Variants in KIAA0319L observed in about 807,000 individuals in gnomAD.
The protein encoded by KIAA0319L is KIAA0319 like.
In KIAA0319L, 55 loss-of-function variants were observed where a neutral mutation model predicts 120.1. The observed-to-expected ratio is 0.46, with a 90% CI of 0.37 to 0.57. The LOEUF is 0.57. KIAA0319L is among the 20% of genes least tolerant of loss of function. The probability of loss-of-function intolerance (pLI) is 0.00; values close to 1 mark genes in which losing one functional copy is unlikely to be tolerated. For synonymous variants in KIAA0319L, 398 were observed against 471.9 expected, an observed-to-expected ratio of 0.84 and a Z score of 2.03; for missense variants, 1,049 against 1,255.3, an observed-to-expected ratio of 0.84 and a Z score of 2.48.
chr1:35,459,229 A>T (rs1642712259), intron 9 of KIAA0319L, among the ~76,000 whole-genome samples: 1 of 152,158 alleles, frequency 6.6e-6, no homozygotes, highest in African/African-American at 2.4e-5. Context: ...ACAGATTGAG[A>T]AGGGAATTAA....
At chr1:35,529,594 C>G (rs1646283505) in intron 2 of KIAA0319L, among the ~76,000 whole-genome samples, 1 of 152,172 alleles carries the variant, frequency 6.6e-6, no homozygotes. Flanking sequence ...CCTTAACTGG[C>G]AGGTTTGTTT....
chr1:35,555,683 C>T (rs752808365), intron 1 of KIAA0319L, among the ~76,000 whole-genome samples: 1 of 152,200 alleles, frequency 6.6e-6, no homozygotes, highest in Non-Finnish European at 1.5e-5. Flanking sequence ...TTTCTCTAGC[C>T]TCCCAAGAGG....
At position 35,453,948 on chromosome 1, in the gene KIAA0319L, A is replaced by G. The variant is rs545520614; in HGVS notation, c.1781-259T>C. 7.4e-4 allele frequency among the ~76,000 whole-genome samples: 112 copies of G among 152,328 alleles called. 2 individuals are homozygous for G. The highest frequency in any genetic ancestry group is 1.3e-4 in the Non-Finnish European group (9 of 68,028). On this transcript the variant is annotated intron_variant, in intron 11 of 20. Coordinates refer to ENST00000325722, the MANE Select transcript of KIAA0319L (RefSeq NM_024874.5). The surrounding 1 kb of genome is among the most constrained non-coding windows in gnomAD (Gnocchi z 4.1). ...TAAACTTGAACTCTAATGCTAAGGG[A>G]GTTCAAATGAAAGGATTTGAGTGAC...
chr1:35,464,957 G>A (rs985953272), intron 7 of KIAA0319L, among the ~76,000 whole-genome samples: 3 of 152,180 alleles, frequency 2.0e-5, no homozygotes, highest in African/African-American at 7.2e-5. Context: ...CAAAAATTGA[G>A]GTTTGGGAAC....
chr1:35,532,789 T>C (rs1339293290), intron 2 of KIAA0319L, among the ~76,000 whole-genome samples: 1 of 152,246 alleles, frequency 6.6e-6, no homozygotes, highest in Non-Finnish European at 1.5e-5. Flanking sequence ...TGAAAATCTT[T>C]TGGGAAAGTC....
chr1:35,466,731 A>G (rs1460683276), intron 6 of KIAA0319L, 36 bp from the exon 7 acceptor site: 3 of 1,340,160 alleles, frequency 2.2e-6, no homozygotes, highest in Non-Finnish European at 3.2e-6. Context: ...AGACAATCAC[A>G]AAGAGCAGGA....
rs138556586 is a variant in KIAA0319L at position 35,525,654 on chromosome 1, T to C, written c.143-18519A>G. ...TTAATCATTTTTATGTCTGGATATG[T>C]AGATCCTTTGCCCACTTTTTAATGG... On this transcript the variant is annotated intron_variant, in intron 2 of 20. Coordinates refer to ENST00000325722, the MANE Select transcript of KIAA0319L (RefSeq NM_024874.5). Among the ~76,000 whole-genome samples, 976 of 152,186 alleles carry C rather than the reference T, an allele frequency of 6.4e-3. 16 individuals are homozygous for C. Among genetic ancestry groups the C allele is most frequent in the African/African-American group, 0.018 (768 of 41,554 alleles).
chr1:35,451,119 C>A (rs958931387), intron 13 of KIAA0319L, among the ~76,000 whole-genome samples: 3 of 152,054 alleles, frequency 2.0e-5, no homozygotes, highest in African/African-American at 7.3e-5. Flanking sequence ...TTAAGGCCCT[C>A]TCCCACAGCT....
At chr1:35,499,458 C>A (rs1442750484) in intron 3 of KIAA0319L, among the ~76,000 whole-genome samples, 1 of 152,102 alleles carries the variant, frequency 6.6e-6, no homozygotes, top group Non-Finnish European at 1.5e-5. Flanking sequence ...TCACTAGACA[C>A]CAAATCAGCC....
rs1359794060 is a variant in KIAA0319L, at chr1:35,478,977, G to A, written c.902C>T (p.Ala301Val). 6.2e-7 allele frequency: 1 copy of A among 1,613,966 alleles called. No homozygotes were observed. The highest frequency in any genetic ancestry group is 8.5e-7 in the Non-Finnish European group (1 of 1,179,984). The change falls in exon 4 of 21, where the codon GCA (alanine) becomes GTA (valine). Residue 301 changes from alanine to valine, a missense_variant. Ala to Val is a moderately conservative substitution (Grantham distance 64). Coordinates refer to ENST00000325722, the MANE Select transcript of KIAA0319L (RefSeq NM_024874.5). ...GCAAAGGTCCTTACCTGGGTATGGTGCTGAGGTGCTCTGGAAAGAGGCCTG... is the reference window on the plus strand; with the variant it reads ...GCAAAGGTCCTTACCTGGGTATGGTACTGAGGTGCTCTGGAAAGAGGCCTG... Reference protein sequence around the residue: ...TPQASFQSTSAPYPVIKELVV... With the variant: ...TPQASFQSTSVPYPVIKELVV...
chr1:35,473,145 G>A (rs956815640), intron 5 of KIAA0319L, among the ~76,000 whole-genome samples: 3 of 144,354 alleles, frequency 2.1e-5, no homozygotes, highest in African/African-American at 5.3e-5. Flanking sequence ...ACCCAGGCTG[G>A]AGTGCAATGG....
rs372718147 is a variant in KIAA0319L, at chr1:35,450,023, A to G, written c.2215-18T>C. The G allele has an allele frequency of 3.1e-6, 5 of 1,613,850 alleles. No homozygotes were observed. The African/African-American group carries it at 6.7e-5, about 22-fold the overall frequency. ...AACACCTCCTGTAGGGTTGAACAAC[A>G]TGGCTATGTTACAGAACAAAATGCC... On this transcript the variant is annotated intron_variant, in intron 14 of 20. Coordinates refer to ENST00000325722, the MANE Select transcript of KIAA0319L (RefSeq NM_024874.5).
In KIAA0319L at chr1:35,519,094, T is replaced by G. The variant is rs1051758028; in HGVS notation, c.143-11959A>C. On this transcript the variant is annotated intron_variant, in intron 2 of 20. Transcript: ENST00000325722. ...ACTTAAAACGAATTATGTGGCATAT[T>G]TGGTGTAGCCCATCTGAATGCCCTA... Among the ~76,000 whole-genome samples the G allele has an allele frequency of 2.6e-5, 4 of 152,148 alleles. No individual in the cohort carries two copies. In the South Asian group the frequency reaches 8.3e-4, roughly 31 times the overall value.
At chr1:35,508,712 G>C (rs937809244) in intron 2 of KIAA0319L, among the ~76,000 whole-genome samples, 3 of 151,928 alleles carry the variant, frequency 2.0e-5, no homozygotes, top group Admixed American at 6.6e-5. Flanking sequence ...TAAGAATCTC[G>C]GTAACAGCTA....
intron 3 of KIAA0319L, among the ~76,000 whole-genome samples, chr1:35,505,186 T>G (rs1248939878): frequency 6.6e-6 from 1 of 152,188 alleles, no homozygotes; most frequent in African/African-American, 2.4e-5. Flanking sequence ...AATGTAATAT[T>G]CCTTGCCAGA....
In KIAA0319L at chr1:35,557,217, G is replaced by C. The variant is rs912896999; in HGVS notation, c.-39C>G. 1 of 181,716 alleles carries C rather than the reference G, an allele frequency of 5.5e-6. No individual in the cohort carries two copies. Among genetic ancestry groups the C allele is most frequent in the African/African-American group, 2.4e-5 (1 of 41,550 alleles). 11.3% of individuals were successfully genotyped at this position (181,716 alleles called of 1,614,324 possible). A position where few individuals can be genotyped will look rare whatever the true frequency, so the allele number is the denominator to read the frequency against. On this transcript the variant is annotated 5_prime_UTR_variant, in exon 1 of 21. Coordinates refer to ENST00000325722, the MANE Select transcript of KIAA0319L (RefSeq NM_024874.5). ...CCCCCGGCCACCTACCGGGGCTCAG[G>C]GCCACATAGCGGGGCCCCGGCTCTC...
intron 3 of KIAA0319L, among the ~76,000 whole-genome samples, chr1:35,493,291 A>C (rs928088428): frequency 6.6e-6 from 1 of 152,164 alleles, no homozygotes; most frequent in African/African-American, 2.4e-5. Flanking sequence ...CAAATATAAT[A>C]GCATCAAATA....
chr1:35,554,278 A>G (rs1558691228), intron 2 of KIAA0319L, 72 bp downstream of exon 2: 2 of 1,188,302 alleles, frequency 1.7e-6, no homozygotes, highest in Non-Finnish European at 2.3e-6. Context: ...AGTCCTTAAA[A>G]TGAACTGAGG....
chr1:35,471,030 G>A, intron 5 of KIAA0319L, 70 bp from the exon 6 acceptor site: 3 of 873,842 alleles, frequency 3.4e-6, no homozygotes, highest in Non-Finnish European at 3.9e-6. Context: ...CACATAGCCT[G>A]CCAATAACAA....
Sources: gnomAD v4.1 joint callset for allele counts (sites outside exome capture counted in the v4.1 genomes callset) on GRCh38, gnomAD v4.1.1 for gene constraint, Gnocchi (gnomAD v3.1) non-coding constraint, MANE v1.5 for transcripts, NCBI Gene and HGNC (gene_info 2026-07-23, HGNC 2026-07-21) for gene names.